The following KCTD2 variants were observed in gnomAD, a reference collection of about 807,000 sequenced individuals.
The protein encoded by KCTD2 is potassium channel tetramerization domain containing 2.
KCTD2 carries 18 observed loss-of-function variants against 27.9 expected under a neutral mutation model. The observed-to-expected ratio is 0.64, with a 90% CI of 0.45 to 0.96. The LOEUF (loss-of-function observed/expected upper bound fraction) is 0.96. Ranked by LOEUF, KCTD2 falls within the 40% of genes least tolerant of loss-of-function variation. KCTD2 has a pLI of 0.00. For synonymous variants in KCTD2, 175 were observed against 148.4 expected (o/e 1.18, Z -1.30); for missense variants, 280 against 348.0 (o/e 0.80, Z 1.56).
intron 3 of KCTD2, chr17:75,041,065 A>T (rs1241231022): frequency 6.6e-6 from 1 of 151,760 alleles, no homozygotes; most frequent in African/African-American, 2.4e-5. Context: ...AGGGACAGTT[A>T]AAAAAAGCAG....
intron 2 of KCTD2, among the ~76,000 whole-genome samples, chr17:75,051,324 G>T (rs1379789363): frequency 3.7e-5 from 4 of 108,186 alleles, no homozygotes; most frequent in Admixed American, 1.3e-4. Flanking sequence ...TCCCTCTGTT[G>T]CCCAGGCTGG....
chr17:75,040,052 C>G (rs750760328), intron 3 of KCTD2: 2 of 1,607,654 alleles, frequency 1.2e-6, no homozygotes, highest in Admixed American at 3.3e-5. Context: ...CTGTCAAGAT[C>G]AAGAGAATTT....
chr17:75,065,240 C>G lies in KCTD2; in HGVS notation c.*2193C>G, dbSNP rs916862349. ...CTGGTGTTCACCAAGTTTCCCTCCTCGCTGCAACCCAATGACACCTGTATT... is the reference window on the plus strand; with the variant it reads ...CTGGTGTTCACCAAGTTTCCCTCCTGGCTGCAACCCAATGACACCTGTATT... On this transcript the variant is annotated 3_prime_UTR_variant, in exon 6 of 6. Transcript: ENST00000322444. 1.3e-5 allele frequency: 2 copies of G among 152,218 alleles called. No individual in the cohort carries two copies. The highest frequency in any genetic ancestry group is 2.4e-5 in the African/African-American group (1 of 41,444). The allele number at this position is 152,218 out of a possible 1,614,324, so 9.4% of individuals were successfully genotyped here.
intron 3 of KCTD2, among the ~76,000 whole-genome samples, chr17:75,057,993 C>T (rs2073366339): frequency 6.6e-6 from 1 of 151,178 alleles, no homozygotes; most frequent in African/African-American, 2.4e-5. Context: ...TCAAGACCAG[C>T]CTGGCCAACA....
In KCTD2 at chr17:75,063,504, T is replaced by C. The variant is rs990361378; in HGVS notation, c.*457T>C. Reference sequence around the variant, plus strand: ...AGCTGCTTCGGAACACCGTCCCTCCTATGCACCCTCCAAGACGTGCAGCAG... The same window carrying C: ...AGCTGCTTCGGAACACCGTCCCTCCCATGCACCCTCCAAGACGTGCAGCAG... On this transcript the variant is annotated 3_prime_UTR_variant, in exon 6 of 6. Transcript: ENST00000322444. 1 of 186,976 alleles carries C rather than the reference T, an allele frequency of 5.3e-6. No individual in the cohort carries two copies. The highest frequency in any genetic ancestry group is 1.1e-5 in the Non-Finnish European group (1 of 87,850). 11.6% of individuals were successfully genotyped at this position (186,976 alleles called of 1,614,324 possible). A position where few individuals can be genotyped will look rare whatever the true frequency, so the allele number is the denominator to read the frequency against.
At position 75,047,571 on chromosome 17, in the gene KCTD2, G is replaced by A. The variant is rs146425045; in HGVS notation, c.321G>A (p.Pro107=). The A allele has an allele frequency of 1.4e-3, 2,327 of 1,609,742 alleles. 3 individuals are homozygous for A. The highest frequency in any genetic ancestry group is 1.9e-3 in the Non-Finnish European group (2,243 of 1,178,440). The part of the protein sequence containing the change: ...FLCRLCCQED[P]ELDSDKDETG... ...GCCGCCTCTGCTGCCAGGAGGACCC[G>A]GAGCTGGACTCAGACAAGGTGTGCC... The change falls in exon 1 of 6, where the codon CCG becomes CCA. Residue 107 remains proline (P), a synonymous_variant. Transcript: ENST00000322444.
upstream of KCTD2, chr17:75,047,192 C>A (rs1050135292): frequency 7.5e-5 from 39 of 522,630 alleles, no homozygotes; most frequent in African/African-American, 7.4e-4. Flanking sequence ...GCTCTCCCTG[C>A]CGAGAAATGG....
At chr17:75,040,042 C>T in intron 3 of KCTD2, 1 of 1,587,304 alleles carries the variant, frequency 6.3e-7, no homozygotes. Context: ...TAATAGAGAG[C>T]TGTCAAGATC....
upstream of KCTD2, among the ~76,000 whole-genome samples, chr17:75,046,118 T>C (rs755055591): frequency 4.6e-5 from 7 of 152,202 alleles, no homozygotes; most frequent in Non-Finnish European, 8.8e-5. Flanking sequence ...AGTCTCGCAC[T>C]GTCGCCTGGG....
intron 3 of KCTD2, among the ~76,000 whole-genome samples, chr17:75,036,428 C>G (rs1474106159): frequency 1.3e-5 from 2 of 152,288 alleles, no homozygotes; most frequent in African/African-American, 4.8e-5. Flanking sequence ...GCCCAATTAC[C>G]TTTTTAATGT....
intron 1 of KCTD2, among the ~76,000 whole-genome samples, chr17:75,033,484 GTT>G (rs2040082740): frequency 6.6e-6 from 1 of 151,986 alleles, no homozygotes. Context: ...GATTTTCAGT[GTT>G]TATGTTTCAA....
chr17:75,040,885 CAA>C (rs34981433), intron 3 of KCTD2: 22 of 76,976 alleles, frequency 2.9e-4, no homozygotes, highest in Non-Finnish European at 3.1e-4. Context: ...GACTCCGTCT[CAA>C]AAAAAAAAAA....
chr17:75,054,792 A>C lies in KCTD2; in HGVS notation c.540+1687A>C, dbSNP rs1292909796. Among the ~76,000 whole-genome samples the C allele has an allele frequency of 2.6e-5, 4 of 151,724 alleles. No homozygotes were observed. The East Asian group carries it at 7.8e-4, about 29-fold the overall frequency. On this transcript the variant is annotated intron_variant, in intron 3 of 5. Coordinates refer to ENST00000322444, the MANE Select transcript of KCTD2 (RefSeq NM_015353.3). ...ACTGCACCACTCCAGCCTGGGCGAC[A>C]GAGGGAGACTCCATCTCAAAAAAAA...
At chr17:75,043,981 C>G (rs1158565357), upstream of KCTD2, among the ~76,000 whole-genome samples, 1 of 151,550 alleles carries the variant, frequency 6.6e-6, no homozygotes, top group African/African-American at 2.4e-5. Flanking sequence ...CCTTCTTATT[C>G]ACATCGGATT....
At chr17:75,057,262 C>T (rs1274141798) in intron 3 of KCTD2, among the ~76,000 whole-genome samples, 2 of 151,642 alleles carry the variant, frequency 1.3e-5, no homozygotes, top group African/African-American at 4.8e-5. Flanking sequence ...ACTCCTATTT[C>T]TTAGAATAGT....
upstream of KCTD2, among the ~76,000 whole-genome samples, chr17:75,044,456 C>T (rs79696272): frequency 6.0e-5 from 7 of 117,100 alleles, 1 homozygote; most frequent in African/African-American, 1.9e-4. Context: ...CCACCCGCCT[C>T]GGCCTCCCAA....
chr17:75,049,867 T>C (rs568142271), intron 2 of KCTD2, among the ~76,000 whole-genome samples: 3 of 152,356 alleles, frequency 2.0e-5, no homozygotes, highest in Non-Finnish European at 2.9e-5. Flanking sequence ...TTGTAGGGCA[T>C]TGGGACTATA....
intron 3 of KCTD2, chr17:75,041,647 A>C (rs2073161948): frequency 6.6e-6 from 1 of 152,416 alleles, no homozygotes; most frequent in Non-Finnish European, 1.5e-5. Flanking sequence ...GGACAGGAAA[A>C]GAGTAGAAAA....
chr17:75,037,804 C>T (rs1257930297), intron 3 of KCTD2, among the ~76,000 whole-genome samples: 1 of 152,138 alleles, frequency 6.6e-6, no homozygotes, highest in East Asian at 1.9e-4. Context: ...AATCCCAGCA[C>T]TTTGGGAGGC....
Sources: allele counts gnomAD v4.1 joint callset (sites outside exome capture counted in the v4.1 genomes callset), GRCh38; gene constraint gnomAD v4.1.1; transcripts MANE v1.5; gene names NCBI Gene and HGNC (gene_info 2026-07-23, HGNC 2026-07-21).